RNF115: variants seen among roughly 807,000 people sequenced by gnomAD.
The protein encoded by RNF115 is E3 ubiquitin-protein ligase RNF115.
Under a neutral mutation model 39.2 loss-of-function variants are expected in RNF115, and 31 were observed. The ratio of observed to expected loss-of-function variants is 0.79; its 90% CI spans 0.59 to 1.07. The LOEUF is 1.07. Among genes scored for constraint, RNF115 ranks in the 50% least tolerant of loss-of-function variants. RNF115 has a pLI of 0.00. For synonymous variants in RNF115, 124 were observed against 131.0 expected, an observed-to-expected ratio of 0.95 and a Z score of 0.37; for missense variants, 384 against 381.7, an observed-to-expected ratio of 1.01 and a Z score of -0.05.
intron 1 of RNF115, among the ~76,000 whole-genome samples, chr1:145,790,818 AAAC>A (rs372988607): frequency 3.0e-4 from 46 of 152,266 alleles, no homozygotes; most frequent in African/African-American, 1.1e-3. Context: ...CAACGCAGTA[AAAC>A]ATTATAATAA....
intron 2 of RNF115, 96 bp from the exon 3 acceptor site, chr1:145,784,692 A>G: frequency 1.0e-6 from 1 of 996,392 alleles, no homozygotes; most frequent in Non-Finnish European, 1.6e-6. Flanking sequence ...ACAAAGCCCA[A>G]TAAGGAAAAA....
chr1:145,740,374 T>A lies in RNF115; in HGVS notation c.*6492A>T, dbSNP rs1405173942. 1.3e-5 allele frequency: 2 copies of A among 152,232 alleles called. No homozygotes were observed. Among genetic ancestry groups the A allele is most frequent in the Non-Finnish European group, 2.9e-5 (2 of 68,042 alleles). The allele number at this position is 152,232 out of a possible 1,614,324, so 9.4% of individuals were successfully genotyped here. ...TAGCTCTGACTCAAACTAAGCGGAA[T>A]ATATACAAAGCAATCCCACTTTGTA... On this transcript the variant is annotated 3_prime_UTR_variant, in exon 9 of 9. Transcript: ENST00000582693.
intron 1 of RNF115, among the ~76,000 whole-genome samples, chr1:145,820,824 T>C (rs1553724288): frequency 6.6e-6 from 1 of 150,942 alleles, no homozygotes. Context: ...GTATGTGAGG[T>C]AATGCATGTT....
At chr1:145,777,549 C>G (rs144093181) in intron 3 of RNF115, among the ~76,000 whole-genome samples, 1 of 152,002 alleles carries the variant, frequency 6.6e-6, no homozygotes, top group African/African-American at 2.4e-5. Context: ...TATACCAAAT[C>G]AGCACTAAGG....
At chr1:145,819,310 G>A (rs1235903656) in intron 1 of RNF115, among the ~76,000 whole-genome samples, 3 of 148,238 alleles carry the variant, frequency 2.0e-5, no homozygotes, top group South Asian at 4.4e-4. Context: ...ACAGCCAGGT[G>A]TGGTAGCACA....
intron 2 of RNF115, among the ~76,000 whole-genome samples, chr1:145,785,385 C>G (rs1648334747): frequency 6.6e-6 from 1 of 152,112 alleles, no homozygotes; most frequent in African/African-American, 2.4e-5. Flanking sequence ...TGTCAATATC[C>G]TATATTGACA....
chr1:145,788,561 A>G (rs587655708), intron 2 of RNF115, among the ~76,000 whole-genome samples: 1 of 152,346 alleles, frequency 6.6e-6, no homozygotes, highest in East Asian at 1.9e-4. Flanking sequence ...CTAAAAACCA[A>G]CTAATAATCT....
chr1:145,753,175 G>A (rs1658162566), intron 4 of RNF115, 126 bp from the exon 5 acceptor site: 2 of 633,700 alleles, frequency 3.2e-6, no homozygotes, highest in South Asian at 1.9e-5. Context: ...TAGTACACAA[G>A]AGACAGCATC....
rs57242475 is a variant in RNF115 at position 145,794,502 on chromosome 1, CTTTTTT to C, written c.103-5542_103-5537del. On this transcript the variant is annotated intron_variant, in intron 1 of 8. Coordinates refer to ENST00000582693, the MANE Select transcript of RNF115 (RefSeq NM_014455.4). Reference sequence around the variant, plus strand: ...ATGGCAAGGGGCATCTAATCTCTTTCTTTTTTTTTTTTTTTTTTTTTTTTTGAGACA... The same window carrying C: ...ATGGCAAGGGGCATCTAATCTCTTTCTTTTTTTTTTTTTTTTTTTGAGACA... 1.3e-3 allele frequency among the ~76,000 whole-genome samples: 102 copies of C among 81,106 alleles called. No homozygotes were observed. The East Asian group carries it at 0.023, about 19-fold the overall frequency. The allele number at this position is 81,106 out of a possible 152,430, so 53.2% of individuals were successfully genotyped here.
intron 4 of RNF115, among the ~76,000 whole-genome samples, chr1:145,766,683 C>A (rs1398535097): frequency 4.2e-5 from 6 of 141,516 alleles, no homozygotes; most frequent in African/African-American, 1.0e-4. Context: ...CTGACCCCCC[C>A]ACCTCCCTCC....
At chr1:145,766,189 G>A (rs587607409) in intron 4 of RNF115, among the ~76,000 whole-genome samples, 3 of 152,092 alleles carry the variant, frequency 2.0e-5, no homozygotes, top group African/African-American at 7.2e-5. Flanking sequence ...AGGGAGTGGC[G>A]ATGACTCTTA....
intron 3 of RNF115, among the ~76,000 whole-genome samples, chr1:145,779,914 G>A (rs1013684912): frequency 4.0e-5 from 6 of 150,528 alleles, no homozygotes; most frequent in Non-Finnish European, 5.9e-5. Flanking sequence ...CTGCATGCCC[G>A]GCCAATATTT....
At position 145,824,005 on chromosome 1, in the gene RNF115, A is replaced by C. The variant is rs1650463500; in HGVS notation, c.-132T>G. 6.3e-6 allele frequency: 4 copies of C among 630,934 alleles called. No homozygotes were observed. The highest frequency in any genetic ancestry group is 9.9e-6 in the Non-Finnish European group (4 of 405,296). The allele number at this position is 630,934 out of a possible 1,614,324, so 39.1% of individuals were successfully genotyped here. On this transcript the variant is annotated 5_prime_UTR_variant, in exon 1 of 9. Transcript: ENST00000582693. The stretch of plus-strand genomic sequence containing the variant: ...CACCGCTTCAGAGCCCGCGTCGGTC[A>C]CGTGAGTTGGCCAGGCCCAGAAACG...
At position 145,743,411 on chromosome 1, in the gene RNF115, C is replaced by T. The variant is rs1553711203; in HGVS notation, c.*3455G>A. ...TCAGACTGGAACTACACCATCAGCT[C>T]TCCTGGATCTCTAGCTGGCCCACTG... On this transcript the variant is annotated 3_prime_UTR_variant, in exon 9 of 9. Coordinates refer to ENST00000582693, the MANE Select transcript of RNF115 (RefSeq NM_014455.4). 6.6e-6 allele frequency: 1 copy of T among 152,260 alleles called. No individual in the cohort carries two copies. Among genetic ancestry groups the T allele is most frequent in the Non-Finnish European group, 1.5e-5 (1 of 68,142 alleles). 9.4% of individuals were successfully genotyped at this position (152,260 alleles called of 1,614,324 possible).
intron 2 of RNF115, among the ~76,000 whole-genome samples, chr1:145,787,896 A>G (rs1648465605): frequency 6.6e-6 from 1 of 152,024 alleles, no homozygotes; most frequent in African/African-American, 2.4e-5. Flanking sequence ...TCAAAAAAAA[A>G]AGAAAAAAGA....
At chr1:145,764,567 CCGCCCCG>C (rs1658676342) in intron 4 of RNF115, among the ~76,000 whole-genome samples, 1 of 151,286 alleles carries the variant, frequency 6.6e-6, no homozygotes, top group African/African-American at 2.4e-5. Flanking sequence ...CGCCCGGCAG[CCGCCCCG>C]TCTGAGAAGT....
chr1:145,763,719 A>C (rs1343088466), intron 4 of RNF115, among the ~76,000 whole-genome samples: 2 of 152,258 alleles, frequency 1.3e-5, no homozygotes, highest in East Asian at 1.9e-4. Context: ...AACAAAACAA[A>C]AACAACAAAA....
In RNF115 at chr1:145,823,761, A is replaced by T. The variant is rs1237368762; in HGVS notation, c.102+11T>A. 1 of 1,558,674 alleles carries T rather than the reference A, an allele frequency of 6.4e-7. No homozygotes were observed. Among genetic ancestry groups the T allele is most frequent in the East Asian group, 2.5e-5 (1 of 39,260 alleles). On this transcript the variant is annotated intron_variant, in intron 1 of 8. Transcript: ENST00000582693. ...TGAGGTTCCCAAGTATAGAGAACAC[A>T]GCGCTCTTACCGGTAGTTTGGGGCT... is the stretch of plus-strand genomic sequence containing the variant.
At chr1:145,765,044 G>C (rs1207002990) in intron 4 of RNF115, among the ~76,000 whole-genome samples, 6 of 152,246 alleles carry the variant, frequency 3.9e-5, no homozygotes, top group Non-Finnish European at 7.3e-5. Context: ...GAAAGAAGTA[G>C]ACATGGGAGA....
Sources: allele counts gnomAD v4.1 joint callset (sites outside exome capture counted in the v4.1 genomes callset), GRCh38; gene constraint gnomAD v4.1.1; transcripts MANE v1.5; gene names NCBI Gene and HGNC (gene_info 2026-07-23, HGNC 2026-07-21).